The following TMEM255B variants were observed in gnomAD, a reference collection of about 807,000 sequenced individuals.
TMEM255B encodes family with sequence similarity 70, member B.
TMEM255B carries 35 observed loss-of-function variants against 34.5 expected under a neutral mutation model. The ratio of observed to expected loss-of-function variants is 1.01; its 90% CI spans 0.77 to 1.34. The LOEUF is 1.34. Ranked by LOEUF, TMEM255B falls within the 40% of genes most tolerant of loss-of-function variation. The probability of loss-of-function intolerance (pLI) is 0.00; values close to 1 mark genes in which losing one functional copy is unlikely to be tolerated. For synonymous variants in TMEM255B, 206 were observed against 201.2 expected, an observed-to-expected ratio of 1.02 and a Z score of -0.20; for missense variants, 432 against 433.2, an observed-to-expected ratio of 1.00 and a Z score of 0.02.
At chr13:113,782,600 G>A (rs1041908623) in intron 3 of TMEM255B, among the ~76,000 whole-genome samples, 13 of 152,062 alleles carry the variant, frequency 8.5e-5, no homozygotes, top group Admixed American at 2.0e-4. Context: ...TGGACATGGG[G>A]GCGCAGGATC....
rs753382623 is a variant in TMEM255B at position 113,805,034 on chromosome 13, G to A, written c.813+6G>A. 1.9e-6 allele frequency: 3 copies of A among 1,592,224 alleles called. No individual in the cohort carries two copies. The highest frequency in any genetic ancestry group is 2.6e-6 in the Non-Finnish European group (3 of 1,171,074). On this transcript the variant is annotated splice_donor_region_variant and intron_variant, in intron 8 of 8. Coordinates refer to ENST00000375353, the MANE Select transcript of TMEM255B (RefSeq NM_182614.4). ...CCTACCCTCTGCCCCTTCAGGTAGG[G>A]CCAGCATCACCTGCTGGAGTTGGAC...
At position 113,800,831 on chromosome 13, in the gene TMEM255B, C is replaced by A; in HGVS notation, c.428C>A (p.Thr143Asn). ...GACAAGGCCTCTCTGCCCCAGGTCA[C>A]CTGTCACTCCCTGGACGGCAAGTGC... ...YLYDVYQTEV[T>N]CHSLDGKCQL... The change falls in exon 6 of 9, where the codon ACC becomes AAC. Residue 143 changes from threonine (T) to asparagine (N), a missense_variant. By Grantham distance (65) the Thr-to-Asn change is moderately conservative. Transcript: ENST00000375353. 6.2e-7 allele frequency: 1 copy of A among 1,606,158 alleles called. No individual in the cohort carries two copies. The highest frequency in any genetic ancestry group is 2.2e-5 in the East Asian group (1 of 44,746).
At chr13:113,809,304 G>A (rs1256791034) in intron 8 of TMEM255B, among the ~76,000 whole-genome samples, 1 of 33,482 alleles carries the variant, frequency 3.0e-5, no homozygotes, top group Non-Finnish European at 6.3e-5. Flanking sequence ...TTACTCTGTG[G>A]TTCCTGGGGG....
At position 113,815,173 on chromosome 13, in the gene TMEM255B, A is replaced by C. The variant is rs1201946050; in HGVS notation, c.*3270A>C. 2 of 152,182 alleles carry C rather than the reference A, an allele frequency of 1.3e-5. No individual in the cohort carries two copies. The highest frequency in any genetic ancestry group is 2.4e-5 in the African/African-American group (1 of 41,410). 9.4% of individuals were successfully genotyped at this position (152,182 alleles called of 1,614,324 possible). A position where few individuals can be genotyped will look rare whatever the true frequency, so the allele number is the denominator to read the frequency against. ...AGCAGCACTGCTCACAAGAGCTCCC[A>C]AGCAGAGGCAACTACTGAGTGGGGG... On this transcript the variant is annotated 3_prime_UTR_variant, in exon 9 of 9. Coordinates refer to ENST00000375353, the MANE Select transcript of TMEM255B (RefSeq NM_182614.4).
chr13:113,795,255 G>A lies in TMEM255B; in HGVS notation c.342+18G>A, dbSNP rs746236225. The A allele has an allele frequency of 1.1e-5, 18 of 1,607,600 alleles. No homozygotes were observed. In the Admixed American group the frequency reaches 3.0e-4, roughly 27 times the overall value. ...AGCACATTGTGAGTACATTGTCATTGTGTGCACAGTCGCTTTCCGGGGCTG... is the reference window on the plus strand; with the variant it reads ...AGCACATTGTGAGTACATTGTCATTATGTGCACAGTCGCTTTCCGGGGCTG... On this transcript the variant is annotated intron_variant, in intron 4 of 8. Coordinates refer to ENST00000375353, the MANE Select transcript of TMEM255B (RefSeq NM_182614.4).
At position 113,769,161 on chromosome 13, in the gene TMEM255B, G is replaced by T. The variant is rs757280142; in HGVS notation, c.252+1G>T. On this transcript the variant is annotated splice_donor_variant, in intron 3 of 8. Coordinates refer to ENST00000375353, the MANE Select transcript of TMEM255B (RefSeq NM_182614.4). LOFTEE classifies it high-confidence loss of function. This position sits in a 1 kb window ranked among gnomAD's most constrained non-coding sequence, Gnocchi z 4.2. ...CTTGGTGGAGAATAGAAGGCAAATG[G>T]TAAGAAAGTACATGGGGTGGTGGGG... 5.0e-6 allele frequency: 8 copies of T among 1,614,096 alleles called. No individual in the cohort carries two copies. Among genetic ancestry groups the T allele is most frequent in the Non-Finnish European group, 6.8e-6 (8 of 1,179,964 alleles).
chr13:113,800,928 G>A lies in TMEM255B; in HGVS notation c.509+16G>A, dbSNP rs550352190. The A allele has an allele frequency of 1.3e-4, 153 of 1,192,758 alleles. 7 individuals carry two copies. In the South Asian group the frequency reaches 1.9e-3, roughly 14 times the overall value. The allele number at this position is 1,192,758 out of a possible 1,614,324, so 73.9% of individuals were successfully genotyped here. A position where few individuals can be genotyped will look rare whatever the true frequency, so the allele number is the denominator to read the frequency against. ...CCTGCGGGAGGTGAGGGGCACCGGG[G>A]ACCCCCATATCTACACCTGCGGGAG... On this transcript the variant is annotated intron_variant, in intron 6 of 8. Transcript: ENST00000375353.
At chr13:113,778,424 C>T (rs9604518) in intron 3 of TMEM255B, among the ~76,000 whole-genome samples, 7 of 151,548 alleles carry the variant, frequency 4.6e-5, no homozygotes, top group Non-Finnish European at 8.8e-5. Flanking sequence ...AATGATATGA[C>T]GATGATCACC....
At chr13:113,798,332 CAG>C (rs1276466833) in intron 4 of TMEM255B, among the ~76,000 whole-genome samples, 5 of 145,314 alleles carry the variant, frequency 3.4e-5, no homozygotes, top group African/African-American at 5.2e-5. Context: ...GTATGGATGA[CAG>C]ATGGGTGAAT....
chr13:113,789,504 G>A (rs1306912772), intron 3 of TMEM255B, among the ~76,000 whole-genome samples: 1 of 152,242 alleles, frequency 6.6e-6, no homozygotes, highest in African/African-American at 2.4e-5. Flanking sequence ...AGGCAGTCCA[G>A]GGGGATGTGG....
chr13:113,776,040 C>T (rs924965113), intron 3 of TMEM255B, among the ~76,000 whole-genome samples: 14 of 152,208 alleles, frequency 9.2e-5, no homozygotes, highest in African/African-American at 3.4e-4. Context: ...GTGGTGGGAC[C>T]TGCCCAGGAC....
chr13:113,761,361 T>G, intron 1 of TMEM255B: 1 of 985,072 alleles, frequency 1.0e-6, no homozygotes, highest in Non-Finnish European at 1.2e-6. Context: ...GGACCTGGCG[T>G]GGGCACAGGC....
intron 3 of TMEM255B, among the ~76,000 whole-genome samples, chr13:113,771,538 G>A (rs2050477991): frequency 6.6e-6 from 1 of 152,140 alleles, no homozygotes; most frequent in Admixed American, 6.5e-5. Flanking sequence ...AATTAGCTGG[G>A]CATGGTGGCA....
chr13:113,794,354 C>T lies in TMEM255B; in HGVS notation c.253-794C>T, dbSNP rs573695148. Among the ~76,000 whole-genome samples the T allele has an allele frequency of 1.2e-4, 18 of 152,192 alleles. No homozygotes were observed. The East Asian group carries it at 1.9e-3, about 16-fold the overall frequency. ...CTGTCCCTGTGTAGCACCATGTGCC[C>T]GAGCCACAGGCCCTCCCTCTGCTGT... is the stretch of plus-strand genomic sequence containing the variant. On this transcript the variant is annotated intron_variant, in intron 3 of 8. Coordinates refer to ENST00000375353, the MANE Select transcript of TMEM255B (RefSeq NM_182614.4).
Position 113,769,303 on chromosome 13 carries a change from G to A in TMEM255B, c.252+143G>A. The A allele has an allele frequency of 1.2e-6, 1 of 850,350 alleles. No homozygotes were observed. The highest frequency in any genetic ancestry group is 1.9e-6 in the Non-Finnish European group (1 of 518,274). The allele number at this position is 850,350 out of a possible 1,614,324, so 52.7% of individuals were successfully genotyped here. On this transcript the variant is annotated intron_variant, in intron 3 of 8. Transcript: ENST00000375353. The surrounding 1 kb of genome is among the most constrained non-coding windows in gnomAD (Gnocchi z 4.2). ...CCAGCTCTGAGGTTCCCGGGCTGTG[G>A]CCTGCACAGTCCTGGATACAGGGTT...
intron 4 of TMEM255B, among the ~76,000 whole-genome samples, chr13:113,796,519 A>G (rs1195584877): frequency 7.0e-6 from 1 of 143,826 alleles, no homozygotes; most frequent in Admixed American, 6.8e-5. Flanking sequence ...AGCACACAGC[A>G]CACACACCAC....
At chr13:113,795,861 ATAAGAGT>A (rs2050918494) in intron 4 of TMEM255B, among the ~76,000 whole-genome samples, 1 of 141,986 alleles carries the variant, frequency 7.0e-6, no homozygotes, top group Non-Finnish European at 1.5e-5. Flanking sequence ...CACACACACC[ATAAGAGT>A]ACACAGCACA....
chr13:113,807,926 G>A (rs1466472591), intron 8 of TMEM255B, among the ~76,000 whole-genome samples: 1 of 152,152 alleles, frequency 6.6e-6, no homozygotes, highest in Non-Finnish European at 1.5e-5. Context: ...TCCACCCTGG[G>A]GCTCTGGGTT....
chr13:113,794,252 G>T (rs1203952265), intron 3 of TMEM255B, among the ~76,000 whole-genome samples: 3 of 152,154 alleles, frequency 2.0e-5, no homozygotes, highest in Non-Finnish European at 4.4e-5. Flanking sequence ...TGCTCGGTCG[G>T]CTCTGCTCTG....
Sources: gnomAD v4.1 joint callset for allele counts (sites outside exome capture counted in the v4.1 genomes callset) on GRCh38, gnomAD v4.1.1 for gene constraint, Gnocchi (gnomAD v3.1) non-coding constraint, MANE v1.5 for transcripts, NCBI Gene and HGNC (gene_info 2026-07-23, HGNC 2026-07-21) for gene names.